Variants in CTBS observed in about 807,000 individuals in gnomAD.
CTBS encodes the protein chitobiase, also known as di-N-acetylchitobiase.
Under a neutral mutation model 44.3 loss-of-function variants are expected in CTBS, and 35 were observed. The observed-to-expected ratio is 0.79, with a 90% CI of 0.60 to 1.05. The LOEUF (loss-of-function observed/expected upper bound fraction) is 1.05. CTBS is among the 50% of genes least tolerant of loss of function. CTBS has a pLI of 0.00. For missense variants in CTBS, 458 were observed against 475.3 expected (o/e 0.96, Z 0.34); for synonymous variants, 143 against 168.0 (o/e 0.85, Z 1.15).
rs1288538754 is a variant in CTBS at position 84,563,927 on chromosome 1, AC to A, written c.698-96del. On this transcript the variant is annotated intron_variant, in intron 4 of 6. Coordinates refer to ENST00000370630, the MANE Select transcript of CTBS (RefSeq NM_004388.3). ...AACCGTTCAGAATCTGTTTGTAAAA[AC>A]AAGTACATTTATAAAAAACACTAAT... is the stretch of plus-strand genomic sequence containing the variant. 5 of 1,362,726 alleles carry A rather than the reference AC, an allele frequency of 3.7e-6. No homozygotes were observed. In the African/African-American group the frequency reaches 7.4e-5, roughly 20 times the overall value. The allele number at this position is 1,362,726 out of a possible 1,614,324, so 84.4% of individuals were successfully genotyped here.
chr1:84,564,601 G>C (rs530671910), intron 4 of CTBS, among the ~76,000 whole-genome samples: 1 of 151,936 alleles, frequency 6.6e-6, no homozygotes, highest in Non-Finnish European at 1.5e-5. Context: ...CTTGAACTTC[G>C]GCCTCATGTG....
chr1:84,572,915 G>A (rs1190985823), intron 1 of CTBS, among the ~76,000 whole-genome samples: 2 of 152,078 alleles, frequency 1.3e-5, no homozygotes, highest in Non-Finnish European at 2.9e-5. Context: ...CTGACCTCAA[G>A]TGATCCACCC....
intron 1 of CTBS, among the ~76,000 whole-genome samples, chr1:84,573,634 T>C (rs945568281): frequency 1.3e-5 from 2 of 152,236 alleles, no homozygotes; most frequent in African/African-American, 4.8e-5. Flanking sequence ...CTTTCAGTCA[T>C]CGAAGTGGGC....
Position 84,563,820 on chromosome 1 carries a change from T to C in CTBS, c.710A>G (p.Tyr237Cys). The change falls in exon 5 of 7, where the codon TAC (tyrosine) becomes TGC (cysteine). Residue 237 changes from tyrosine to cysteine, a missense_variant. Transcript: ENST00000370630. ...CTTAGGATTAATGCTCATCTTGATG[T>C]AGTCATTATATCCTAGTCAAGCAGG... ...YNQTLTGYNDYIKMSINPKKL... is the reference protein window; with the variant it reads ...YNQTLTGYNDCIKMSINPKKL... The C allele has an allele frequency of 1.2e-6, 2 of 1,606,560 alleles. No homozygotes were observed. The highest frequency in any genetic ancestry group is 1.7e-6 in the Non-Finnish European group (2 of 1,175,802).
intron 6 of CTBS, among the ~76,000 whole-genome samples, chr1:84,558,304 T>C (rs1460812401): frequency 6.6e-6 from 1 of 151,948 alleles, no homozygotes; most frequent in Non-Finnish European, 1.5e-5. Context: ...TTTTTTTTTT[T>C]TTTGAGACGG....
chr1:84,555,159 G>C lies in CTBS; in HGVS notation c.998C>G (p.Pro333Arg), dbSNP rs763697037. 8.1e-6 allele frequency: 13 copies of C among 1,613,746 alleles called. No homozygotes were observed. In the South Asian group the frequency reaches 1.2e-4, roughly 15 times the overall value. Residue 333 changes from proline (P) to arginine (R), a missense_variant, in exon 7 of 7, where the codon CCT becomes CGT. Pro to Arg is a moderately radical substitution (Grantham distance 103). Transcript: ENST00000370630. Reference protein sequence around the residue: ...GHFHQVWYDNPQSISLKATYI... With the variant: ...GHFHQVWYDNRQSISLKATYI... ...TGTTGCCTTTAAAGAAATACTCTGA[G>C]GGTTATCATACCATACTTGATGAAA...
At chr1:84,571,069 C>T (rs912354195) in intron 1 of CTBS, among the ~76,000 whole-genome samples, 3 of 152,092 alleles carry the variant, frequency 2.0e-5, no homozygotes, top group Non-Finnish European at 4.4e-5. Context: ...TCATGAAAGG[C>T]CTCATAAGCT....
chr1:84,571,325 G>A (rs1230217236), intron 1 of CTBS, among the ~76,000 whole-genome samples: 1 of 152,192 alleles, frequency 6.6e-6, no homozygotes, highest in African/African-American at 2.4e-5. Context: ...AAGATCCTAA[G>A]GAGGCAAAAT....
At position 84,553,088 on chromosome 1, in the gene CTBS, GAA is replaced by G. The variant is rs759280571; in HGVS notation, c.*1909_*1910del. 5.7e-6 allele frequency: 8 copies of G among 1,397,402 alleles called. No homozygotes were observed. Among genetic ancestry groups the G allele is most frequent in the Admixed American group, 5.2e-5 (2 of 38,782 alleles). The allele number at this position is 1,397,402 out of a possible 1,614,324, so 86.6% of individuals were successfully genotyped here. On this transcript the variant is annotated 3_prime_UTR_variant, in exon 7 of 7. Coordinates refer to ENST00000370630, the MANE Select transcript of CTBS (RefSeq NM_004388.3). ...GAACATTGAAAACTGAACTGGCACA[GAA>G]AAAAAAAATAATACATCTCTACAAT...
At chr1:84,558,123 T>C (rs1160482147) in intron 6 of CTBS, among the ~76,000 whole-genome samples, 2 of 152,176 alleles carry the variant, frequency 1.3e-5, no homozygotes, top group South Asian at 2.1e-4. Flanking sequence ...CAATGTATTA[T>C]GTTGAAAATT....
Position 84,574,389 on chromosome 1 carries a change from C to A in CTBS, c.27G>T (p.Trp9Cys). 1 of 1,559,592 alleles carries A rather than the reference C, an allele frequency of 6.4e-7. No individual in the cohort carries two copies. Among genetic ancestry groups the A allele is most frequent in the Non-Finnish European group, 8.7e-7 (1 of 1,153,550 alleles). ...CGCTCGGCGGGCTAGAGACGAGGCGCCAGCGTCGAAGCTGCGGCCGGGACA... is the reference window on the plus strand; with the variant it reads ...CGCTCGGCGGGCTAGAGACGAGGCGACAGCGTCGAAGCTGCGGCCGGGACA... MSRPQLRRWRLVSSPPSGV... is the reference protein window; with the variant it reads MSRPQLRRCRLVSSPPSGV... The change falls in exon 1 of 7, where the codon TGG becomes TGT. Residue 9 changes from tryptophan to cysteine, a missense_variant. Coordinates refer to ENST00000370630, the MANE Select transcript of CTBS (RefSeq NM_004388.3).
At chr1:84,562,531 G>A (rs1236431358) in intron 6 of CTBS, among the ~76,000 whole-genome samples, 1 of 152,030 alleles carries the variant, frequency 6.6e-6, no homozygotes, top group Non-Finnish European at 1.5e-5. Context: ...TATCATTTTA[G>A]TACTCCTTTT....
Position 84,554,900 on chromosome 1 carries a change from C to G in CTBS, c.*99G>C, listed in dbSNP as rs534701919. The stretch of plus-strand genomic sequence containing the variant: ...TTATTTATTCTTTTTTTTTAGTATA[C>G]GGATAACAAAAGTATATAGCAACAT... On this transcript the variant is annotated 3_prime_UTR_variant, in exon 7 of 7. Transcript: ENST00000370630. 1 of 884,262 alleles carries G rather than the reference C, an allele frequency of 1.1e-6. No individual in the cohort carries two copies. Among genetic ancestry groups the G allele is most frequent in the Non-Finnish European group, 1.7e-6 (1 of 579,120 alleles). The allele number at this position is 884,262 out of a possible 1,614,324, so 54.8% of individuals were successfully genotyped here. A position where few individuals can be genotyped will look rare whatever the true frequency, so the allele number is the denominator to read the frequency against.
chr1:84,574,079 C>T lies in CTBS; in HGVS notation c.177+160G>A, dbSNP rs1400570276. 9 of 1,451,458 alleles carry T rather than the reference C, an allele frequency of 6.2e-6. No homozygotes were observed. In the Admixed American group the frequency reaches 1.9e-4, roughly 31 times the overall value. 89.9% of individuals were successfully genotyped at this position (1,451,458 alleles called of 1,614,324 possible). A position where few individuals can be genotyped will look rare whatever the true frequency, so the allele number is the denominator to read the frequency against. On this transcript the variant is annotated intron_variant, in intron 1 of 6. Coordinates refer to ENST00000370630, the MANE Select transcript of CTBS (RefSeq NM_004388.3). The stretch of plus-strand genomic sequence containing the variant: ...ACTCAACTTCTCTGAGCCCGAGCTT[C>T]CTCATCTATAAATTGAAGGATCCGT...
At chr1:84,569,875 T>C (rs1647245182) in intron 3 of CTBS, 56 bp downstream of exon 3, 1 of 1,324,662 alleles carries the variant, frequency 7.5e-7, no homozygotes, top group South Asian at 1.2e-5. Context: ...TATACCCTCA[T>C]GAGTATATTC....
chr1:84,563,406 T>C lies in CTBS; in HGVS notation c.808A>G (p.Thr270Ala). 1 of 1,537,338 alleles carries C rather than the reference T, an allele frequency of 6.5e-7. No individual in the cohort carries two copies. The highest frequency in any genetic ancestry group is 1.3e-5 in the South Asian group (1 of 77,818). The change falls in exon 6 of 7, where the codon ACC becomes GCC. Residue 270 changes from threonine (T) to alanine (A), a missense_variant. Coordinates refer to ENST00000370630, the MANE Select transcript of CTBS (RefSeq NM_004388.3). ...CCCCGGAAAGGGACTTTTGCAATGG[T>C]ACAAACATGATCCTAGAAATGCAAA... is the stretch of plus-strand genomic sequence containing the variant. Reference protein sequence around the residue: ...CLNLSEDHVCTIAKVPFRGAP... With the variant: ...CLNLSEDHVCAIAKVPFRGAP...
rs1684270603 is a variant in CTBS at position 84,551,484 on chromosome 1, A to G, written c.*3515T>C. Reference sequence around the variant, plus strand: ...TCAGATTGGTACCCACTAGCCACCTATTGATATTGAGCACTTGAAATGTAG... The same window carrying G: ...TCAGATTGGTACCCACTAGCCACCTGTTGATATTGAGCACTTGAAATGTAG... On this transcript the variant is annotated 3_prime_UTR_variant, in exon 7 of 7. Coordinates refer to ENST00000370630, the MANE Select transcript of CTBS (RefSeq NM_004388.3). 1 of 169,848 alleles carries G rather than the reference A, an allele frequency of 5.9e-6. No individual in the cohort carries two copies. The highest frequency in any genetic ancestry group is 1.9e-4 in the South Asian group (1 of 5,160). 10.5% of individuals were successfully genotyped at this position (169,848 alleles called of 1,614,324 possible).
Position 84,551,374 on chromosome 1 carries a change from TAAATA to T in CTBS, c.*3620_*3624del. On this transcript the variant is annotated 3_prime_UTR_variant, in exon 7 of 7. Transcript: ENST00000370630. ...CCTCGGTTTCAGATAAAAATAAAAA[TAAATA>T]AAATTTAAAAATAAAAAAATAGAAT... 1 of 753,374 alleles carries T rather than the reference TAAATA, an allele frequency of 1.3e-6. No individual in the cohort carries two copies. The highest frequency in any genetic ancestry group is 1.6e-6 in the Non-Finnish European group (1 of 624,288). The allele number at this position is 753,374 out of a possible 1,614,324, so 46.7% of individuals were successfully genotyped here. A position where few individuals can be genotyped will look rare whatever the true frequency, so the allele number is the denominator to read the frequency against.
chr1:84,558,390 C>G (rs939153274), intron 6 of CTBS, among the ~76,000 whole-genome samples: 1 of 150,426 alleles, frequency 6.6e-6, no homozygotes, highest in Non-Finnish European at 1.5e-5. Flanking sequence ...CCCGGGTTCA[C>G]GCCATTCTCC....
Sources: allele counts gnomAD v4.1 joint callset (sites outside exome capture counted in the v4.1 genomes callset), GRCh38; gene constraint gnomAD v4.1.1; transcripts MANE v1.5; gene names NCBI Gene and HGNC (gene_info 2026-07-23, HGNC 2026-07-21).